Variants in CPA6 observed in about 807,000 individuals in gnomAD.
CPA6 encodes the protein carboxypeptidase B.
Under a neutral mutation model 63.3 loss-of-function variants are expected in CPA6, and 58 were observed. That is an observed-to-expected ratio of 0.92 (90% CI 0.74 to 1.14). The LOEUF is 1.14. Ranked by LOEUF, CPA6 falls within the 50% of genes most tolerant of loss-of-function variation. The pLI is 0.00. For missense variants in CPA6, 565 were observed against 526.6 expected (o/e 1.07, Z -0.71); for synonymous variants, 185 against 179.0 (o/e 1.03, Z -0.27).
chr8:67,522,812 T>C (rs1477320404), intron 2 of CPA6, among the ~76,000 whole-genome samples: 2 of 152,148 alleles, frequency 1.3e-5, no homozygotes, highest in African/African-American at 2.4e-5. Flanking sequence ...CAGGCTGTGG[T>C]GGATGCAGTG....
chr8:67,504,818 G>A (rs1811895464), intron 6 of CPA6, among the ~76,000 whole-genome samples: 1 of 152,154 alleles, frequency 6.6e-6, no homozygotes, highest in African/African-American at 2.4e-5. Flanking sequence ...CCAGAGGAGT[G>A]AAAGAGGTGT....
chr8:67,607,012 T>C (rs529392278), intron 2 of CPA6, among the ~76,000 whole-genome samples: 1 of 152,252 alleles, frequency 6.6e-6, no homozygotes, highest in Admixed American at 6.5e-5. Context: ...TATTTTCTCC[T>C]AGGAAGTTTC....
chr8:67,551,189 T>C (rs1211368412), intron 2 of CPA6, among the ~76,000 whole-genome samples: 1 of 152,164 alleles, frequency 6.6e-6, no homozygotes, highest in Non-Finnish European at 1.5e-5. Context: ...CTTTAATCCA[T>C]CTTGAGCTAA....
At chr8:67,496,137 A>G (rs976036760) in intron 6 of CPA6, among the ~76,000 whole-genome samples, 1 of 152,086 alleles carries the variant, frequency 6.6e-6, no homozygotes, top group Non-Finnish European at 1.5e-5. Flanking sequence ...TAAAGTCTTA[A>G]TGGATTTTTC....
At chr8:67,666,460 A>G (rs1816228341) in intron 1 of CPA6, among the ~76,000 whole-genome samples, 1 of 152,178 alleles carries the variant, frequency 6.6e-6, no homozygotes, top group Non-Finnish European at 1.5e-5. Flanking sequence ...GGGCCCTGGT[A>G]GCAGCCAGTA....
In CPA6 at chr8:67,699,466, G is replaced by T. The variant is rs1050662885; in HGVS notation, c.116+46548C>A. ...ACAAAACAAAACAGGAGGGGGGGATGTTACCTAGAAAAACAGGCAAATAAA... is the reference window on the plus strand; with the variant it reads ...ACAAAACAAAACAGGAGGGGGGGATTTTACCTAGAAAAACAGGCAAATAAA... On this transcript the variant is annotated intron_variant, in intron 1 of 10. Coordinates refer to ENST00000297770, the MANE Select transcript of CPA6 (RefSeq NM_020361.5). 2.6e-5 allele frequency among the ~76,000 whole-genome samples: 4 copies of T among 151,916 alleles called. No individual in the cohort carries two copies. The South Asian group carries it at 8.3e-4, about 32-fold the overall frequency.
intron 2 of CPA6, among the ~76,000 whole-genome samples, chr8:67,547,108 G>A (rs532241836): frequency 1.8e-4 from 27 of 152,138 alleles, no homozygotes; most frequent in East Asian, 1.9e-4. Flanking sequence ...GTGCAGTGGC[G>A]CCATCACGGC....
chr8:67,604,760 T>C (rs918050823), intron 2 of CPA6, among the ~76,000 whole-genome samples: 1 of 151,914 alleles, frequency 6.6e-6, no homozygotes, highest in African/African-American at 2.4e-5. Flanking sequence ...TCTGTGGAGG[T>C]TCTATCAACT....
intron 2 of CPA6, among the ~76,000 whole-genome samples, chr8:67,606,157 G>A (rs1302821973): frequency 7.5e-6 from 1 of 133,610 alleles, no homozygotes; most frequent in Non-Finnish European, 1.6e-5. Flanking sequence ...ACAGGAAGGG[G>A]AACATCACAC....
At chr8:67,547,175 T>C (rs1423714502) in intron 2 of CPA6, among the ~76,000 whole-genome samples, 1 of 151,832 alleles carries the variant, frequency 6.6e-6, no homozygotes, top group African/African-American at 2.4e-5. Flanking sequence ...GCCTCCCGAG[T>C]AGCTGAGACT....
chr8:67,439,034 C>T (rs1351572624), intron 8 of CPA6, among the ~76,000 whole-genome samples: 2 of 152,168 alleles, frequency 1.3e-5, no homozygotes, highest in South Asian at 2.1e-4. Context: ...ATGGCTTACA[C>T]CTATAATCCC....
At chr8:67,700,755 G>A (rs1371077901) in intron 1 of CPA6, among the ~76,000 whole-genome samples, 1 of 152,126 alleles carries the variant, frequency 6.6e-6, no homozygotes, top group Non-Finnish European at 1.5e-5. Flanking sequence ...TTTTGCTTCA[G>A]GGGAGTTGCA....
rs2128991311 is a variant in CPA6 at position 67,650,733 on chromosome 8, G to A, written c.117-26482C>T. 2.0e-5 allele frequency among the ~76,000 whole-genome samples: 3 copies of A among 152,244 alleles called. No individual in the cohort carries two copies. The South Asian group carries it at 6.2e-4, about 32-fold the overall frequency. Reference sequence around the variant, plus strand: ...AGAGGGATGGGAGACTGTCTACGATGTTCATATATAAAAATCAAGACCTGA... The same window carrying A: ...AGAGGGATGGGAGACTGTCTACGATATTCATATATAAAAATCAAGACCTGA... On this transcript the variant is annotated intron_variant, in intron 1 of 10. Transcript: ENST00000297770.
chr8:67,605,188 A>G (rs535754488), intron 2 of CPA6, among the ~76,000 whole-genome samples: 3 of 151,778 alleles, frequency 2.0e-5, no homozygotes, highest in South Asian at 2.1e-4. Context: ...TCACAATACC[A>G]TGTGTGATTC....
intron 1 of CPA6, among the ~76,000 whole-genome samples, chr8:67,682,788 C>A (rs972531566): frequency 2.6e-5 from 4 of 152,176 alleles, no homozygotes; most frequent in East Asian, 3.9e-4. Flanking sequence ...CCCTGAGAAC[C>A]TGTGAATTAT....
At chr8:67,473,101 G>A (rs1563966169) in intron 8 of CPA6, among the ~76,000 whole-genome samples, 3 of 152,186 alleles carry the variant, frequency 2.0e-5, no homozygotes, top group African/African-American at 7.2e-5. Context: ...AGATAGAATA[G>A]CTCTTTTTAG....
chr8:67,449,272 A>G (rs1200152538), intron 8 of CPA6, among the ~76,000 whole-genome samples: 2 of 152,158 alleles, frequency 1.3e-5, no homozygotes, highest in Admixed American at 1.3e-4. Flanking sequence ...CAAAAGTGTA[A>G]TGCATGTGTG....
rs774000586 is a variant in CPA6 at position 67,483,854 on chromosome 8, CGA to C, written c.750_751del (p.Asp250GlufsTer22). On this transcript the variant is annotated frameshift_variant and splice_region_variant, in exon 8 of 11. Coordinates refer to ENST00000297770, the MANE Select transcript of CPA6 (RefSeq NM_020361.5). Reference sequence around the variant, plus strand: ...CCTTGACCTTGTTTTTCTCCAAAATCGATCCTAGACATAATTAAGAAAACAGG... The same window carrying C: ...CCTTGACCTTGTTTTTCTCCAAAATCTCCTAGACATAATTAAGAAAACAGG... 6.2e-7 allele frequency: 1 copy of C among 1,613,140 alleles called. No homozygotes were observed. The highest frequency in any genetic ancestry group is 2.2e-5 in the East Asian group (1 of 44,860).
At chr8:67,467,912 G>A (rs1423432666) in intron 8 of CPA6, among the ~76,000 whole-genome samples, 1 of 125,846 alleles carries the variant, frequency 7.9e-6, no homozygotes, top group East Asian at 2.1e-4. Flanking sequence ...AAAAAAATTA[G>A]CCAGGTGTGG....
Sources: gnomAD v4.1 joint callset for allele counts (sites outside exome capture counted in the v4.1 genomes callset) on GRCh38, gnomAD v4.1.1 for gene constraint, MANE v1.5 for transcripts, NCBI Gene and HGNC (gene_info 2026-07-23, HGNC 2026-07-21) for gene names.